CR1L: variants seen among roughly 807,000 people sequenced by gnomAD.
The protein encoded by CR1L is complement component receptor 1-like protein.
In CR1L, 59 loss-of-function variants were observed where a neutral mutation model predicts 62.3. The ratio of observed to expected loss-of-function variants is 0.95; its 90% CI spans 0.77 to 1.18. CR1L has a LOEUF of 1.18. CR1L is among the 50% of genes most tolerant of loss of function. The pLI is 0.00. For missense variants in CR1L, 700 were observed against 702.8 expected (o/e 1.00, Z 0.04); for synonymous variants, 279 against 248.7 (o/e 1.12, Z -1.15).
intron 1 of CR1L, among the ~76,000 whole-genome samples, chr1:207,665,521 C>T (rs1021896730): frequency 2.0e-5 from 3 of 151,926 alleles, no homozygotes; most frequent in East Asian, 1.9e-4. Flanking sequence ...CTCAGCCTCC[C>T]GAGTAGCTGG....
At chr1:207,711,224 G>A (rs564114066) in intron 10 of CR1L, 25 of 214,120 alleles carry the variant, frequency 1.2e-4, no homozygotes, top group African/African-American at 4.0e-4. Context: ...GCTTAGCAGC[G>A]GAGTGGGAGG....
intron 9 of CR1L, among the ~76,000 whole-genome samples, chr1:207,702,885 C>A (rs902914124): frequency 6.6e-6 from 1 of 152,136 alleles, no homozygotes; most frequent in African/African-American, 2.4e-5. Context: ...GTGTTCAAGA[C>A]CAGCCTGACC....
rs1211289537 is a variant in CR1L, at chr1:207,645,210, A to G, written c.-24A>G. The G allele has an allele frequency of 6.2e-7, 1 of 1,611,318 alleles. No individual in the cohort carries two copies. Among genetic ancestry groups the G allele is most frequent in the Admixed American group, 1.7e-5 (1 of 60,032 alleles). On this transcript the variant is annotated 5_prime_UTR_variant, in exon 1 of 12. Coordinates refer to ENST00000508064, the MANE Select transcript of CR1L (RefSeq NM_175710.2). The stretch of plus-strand genomic sequence containing the variant: ...GGTTTCTCTGCTCACCTCCGGATAA[A>G]TCACGGGGTCTCCCGCGCCGCTCAT...
intron 10 of CR1L, chr1:207,710,947 T>C (rs12132968): frequency 0.56 from 406,573 of 721,646 alleles, 123,132 homozygotes; most frequent in East Asian, 0.87. Flanking sequence ...GTGCAAGCAC[T>C]CATGCATATG....
chr1:207,694,447 C>T lies in CR1L; in HGVS notation c.558C>T (p.His186=). The T allele has an allele frequency of 6.2e-7, 1 of 1,614,008 alleles. No individual in the cohort carries two copies. Among genetic ancestry groups the T allele is most frequent in the Non-Finnish European group, 8.5e-7 (1 of 1,179,902 alleles). The change falls in exon 5 of 12, where the codon CAC becomes CAT. Residue 186 remains histidine (H), a synonymous_variant. Coordinates refer to ENST00000508064, the MANE Select transcript of CR1L (RefSeq NM_175710.2). ...YFHYGSVVTY[H]CNLGSRGKKV... ...ACTATGGATCAGTGGTGACCTACCACTGCAATCTTGGAAGCAGAGGGAAAA... is the reference window on the plus strand; with the variant it reads ...ACTATGGATCAGTGGTGACCTACCATTGCAATCTTGGAAGCAGAGGGAAAA...
At position 207,645,197 on chromosome 1, in the gene CR1L, C is replaced by A; in HGVS notation, c.-37C>A. ...TCGGCTGGCTTTCGGTTTCTCTGCTCACCTCCGGATAAATCACGGGGTCTC... is the reference window on the plus strand; with the variant it reads ...TCGGCTGGCTTTCGGTTTCTCTGCTAACCTCCGGATAAATCACGGGGTCTC... On this transcript the variant is annotated 5_prime_UTR_variant, in exon 1 of 12. Transcript: ENST00000508064. The A allele has an allele frequency of 6.2e-7, 1 of 1,605,832 alleles. No individual in the cohort carries two copies. Among genetic ancestry groups the A allele is most frequent in the East Asian group, 2.2e-5 (1 of 44,828 alleles).
intron 4 of CR1L, among the ~76,000 whole-genome samples, chr1:207,685,526 A>G (rs543943778): frequency 2.2e-4 from 34 of 152,314 alleles, no homozygotes; most frequent in African/African-American, 7.7e-4. Context: ...TGTTCTCTTC[A>G]GTCAAATCAT....
At chr1:207,663,308 C>G (rs904194792) in intron 1 of CR1L, among the ~76,000 whole-genome samples, 1 of 152,190 alleles carries the variant, frequency 6.6e-6, no homozygotes, top group African/African-American at 2.4e-5. Flanking sequence ...TCGAGCTTCC[C>G]GCAGCTTTGT....
At chr1:207,713,812 C>T (rs1653897663) in intron 10 of CR1L, among the ~76,000 whole-genome samples, 1 of 152,236 alleles carries the variant, frequency 6.6e-6, no homozygotes, top group South Asian at 2.1e-4. Context: ...TTTGATAATG[C>T]CTGCAGCCCA....
chr1:207,684,876 T>C (rs1439897307), intron 4 of CR1L, among the ~76,000 whole-genome samples: 2 of 152,248 alleles, frequency 1.3e-5, no homozygotes, highest in East Asian at 3.8e-4. Context: ...TGGGGACTTC[T>C]TTACTTTTCT....
Position 207,694,659 on chromosome 1 carries a change from G to A in CR1L, c.770G>A (p.Arg257Lys), listed in dbSNP as rs1319079185. Residue 257 changes from arginine to lysine, a missense_variant, in exon 5 of 12, where the codon AGG (arginine) becomes AAG (lysine). Coordinates refer to ENST00000508064, the MANE Select transcript of CR1L (RefSeq NM_175710.2). ...TCCTTAAATGAAGTTGTGGAGTTTAGGTGTCAGCCTGGCTTTGGCATGAAA... is the reference window on the plus strand; with the variant it reads ...TCCTTAAATGAAGTTGTGGAGTTTAAGTGTCAGCCTGGCTTTGGCATGAAA... ...LFSLNEVVEF[R>K]CQPGFGMKGP... The A allele has an allele frequency of 6.2e-7, 1 of 1,611,866 alleles. No individual in the cohort carries two copies. The highest frequency in any genetic ancestry group is 1.7e-5 in the Admixed American group (1 of 60,028).
intron 11 of CR1L, 84 bp downstream of exon 11, chr1:207,717,775 TG>T: frequency 6.5e-7 from 1 of 1,529,804 alleles, no homozygotes; most frequent in Non-Finnish European, 8.9e-7. Flanking sequence ...CAGTCATTTT[TG>T]CTTGTGAAAA....
At chr1:207,662,482 T>C (rs1449598417) in intron 1 of CR1L, among the ~76,000 whole-genome samples, 1 of 152,246 alleles carries the variant, frequency 6.6e-6, no homozygotes, top group African/African-American at 2.4e-5. Context: ...TCTCGTGCCA[T>C]AGTTTTCAGC....
intron 1 of CR1L, among the ~76,000 whole-genome samples, chr1:207,660,592 C>T (rs528476404): frequency 6.6e-6 from 1 of 152,318 alleles, no homozygotes; most frequent in Non-Finnish European, 1.5e-5. Flanking sequence ...TTTCAAAAAA[C>T]CAGCTCCTGG....
intron 3 of CR1L, among the ~76,000 whole-genome samples, chr1:207,682,092 C>T (rs1369969249): frequency 6.6e-6 from 1 of 151,962 alleles, no homozygotes; most frequent in Admixed American, 6.6e-5. Context: ...ACATGTATAC[C>T]TATGTAACAA....
intron 11 of CR1L, among the ~76,000 whole-genome samples, chr1:207,718,067 C>T (rs1558027639): frequency 6.6e-6 from 1 of 152,098 alleles, no homozygotes; most frequent in African/African-American, 2.4e-5. Flanking sequence ...ATGTGCTGCG[C>T]AAAAAGTACA....
chr1:207,715,228 G>A, intron 10 of CR1L: 1 of 773,502 alleles, frequency 1.3e-6, no homozygotes, highest in Middle Eastern at 2.5e-4. Context: ...ATGGTAGTGA[G>A]GAAGCTGAGC....
At chr1:207,723,415 C>T (rs2102487328) in intron 11 of CR1L, among the ~76,000 whole-genome samples, 1 of 132,882 alleles carries the variant, frequency 7.5e-6, no homozygotes. Context: ...CAGAGTGAGA[C>T]TTTGTCAAAA....
intron 11 of CR1L, among the ~76,000 whole-genome samples, chr1:207,718,759 A>G (rs1174531206): frequency 6.6e-6 from 1 of 152,158 alleles, no homozygotes; most frequent in African/African-American, 2.4e-5. Context: ...GAACTTCTGT[A>G]TGTTGAAAAA....
Sources: allele counts gnomAD v4.1 joint callset (sites outside exome capture counted in the v4.1 genomes callset), GRCh38; gene constraint gnomAD v4.1.1; transcripts MANE v1.5; gene names NCBI Gene and HGNC (gene_info 2026-07-23, HGNC 2026-07-21).